Variants in SYN3 observed in about 807,000 individuals in gnomAD.
The protein encoded by SYN3 is synapsin III, also known as synapsin-3.
In SYN3, 35 loss-of-function variants were observed where a neutral mutation model predicts 65.8. The observed-to-expected ratio is 0.53, with a 90% CI of 0.41 to 0.70. The LOEUF (loss-of-function observed/expected upper bound fraction) is 0.70, where lower values mean the gene tolerates loss of function less well. Among genes scored for constraint, SYN3 ranks in the 30% least tolerant of loss-of-function variants. The pLI is 0.00. For synonymous variants in SYN3, 270 were observed against 292.9 expected (o/e 0.92, Z 0.80); for missense variants, 680 against 749.0 (o/e 0.91, Z 1.08).
intron 6 of SYN3, among the ~76,000 whole-genome samples, chr22:32,819,694 T>C (rs1274791077): frequency 1.3e-5 from 2 of 152,034 alleles, no homozygotes; most frequent in Non-Finnish European, 2.9e-5. Context: ...GTAAGCACAC[T>C]CTAGGGGCCG....
At chr22:32,862,616 T>G (rs1351873994) in intron 6 of SYN3, 1 of 152,202 alleles carries the variant, frequency 6.6e-6, no homozygotes, top group Non-Finnish European at 1.5e-5. Flanking sequence ...AGAGTATTTT[T>G]ATGAGAGACA....
intron 6 of SYN3, among the ~76,000 whole-genome samples, chr22:32,737,898 G>A (rs1430508830): frequency 1.3e-5 from 2 of 152,172 alleles, no homozygotes; most frequent in Non-Finnish European, 2.9e-5. Flanking sequence ...TTTCTGCCAT[G>A]CTGATCATGG....
intron 2 of SYN3, among the ~76,000 whole-genome samples, chr22:32,986,920 T>TG (rs1354412174): frequency 6.6e-6 from 1 of 152,062 alleles, no homozygotes; most frequent in Non-Finnish European, 1.5e-5. Context: ...TGGTGCTGCC[T>TG]GGGGTGGGAA....
At chr22:32,802,012 G>T (rs1383743885) in intron 6 of SYN3, 1 of 1,580,238 alleles carries the variant, frequency 6.3e-7, no homozygotes, top group Non-Finnish European at 8.6e-7. Flanking sequence ...ATGACCCCTT[G>T]GCTCGGGCTC....
chr22:32,726,853 T>C (rs990372636), intron 6 of SYN3, among the ~76,000 whole-genome samples: 1 of 151,996 alleles, frequency 6.6e-6, no homozygotes, highest in Admixed American at 6.6e-5. Context: ...ATTCTTACTA[T>C]CCCACAACCC....
intron 7 of SYN3, among the ~76,000 whole-genome samples, chr22:32,565,733 T>G (rs988920735): frequency 6.7e-6 from 1 of 149,454 alleles, no homozygotes; most frequent in Non-Finnish European, 1.5e-5. Context: ...TATTTAATTT[T>G]TTTTTACTCG....
At chr22:32,694,142 T>C (rs959373692) in intron 6 of SYN3, among the ~76,000 whole-genome samples, 1 of 152,156 alleles carries the variant, frequency 6.6e-6, no homozygotes. Flanking sequence ...AGGTTTATAG[T>C]CTGGTTTTCA....
intron 12 of SYN3, among the ~76,000 whole-genome samples, chr22:32,521,816 G>A (rs1325452996): frequency 2.0e-5 from 3 of 152,108 alleles, no homozygotes; most frequent in Non-Finnish European, 2.9e-5. Context: ...TAAAACATTT[G>A]TTTTCTACTT....
rs180985423 is a variant in SYN3, at chr22:32,987,796, T to C, written c.312-7094A>G. ...ACTATTTATTGAGCCTTATGTGGAC[T>C]AGGCACCACACCAGGCATAGGAGTA... On this transcript the variant is annotated intron_variant, in intron 2 of 13. Transcript: ENST00000358763. Among the ~76,000 whole-genome samples the C allele has an allele frequency of 2.0e-4, 30 of 152,316 alleles. 1 individual carries two copies. The highest frequency in any genetic ancestry group is 7.2e-4 in the African/African-American group (30 of 41,582).
chr22:32,895,730 T>C (rs2049574073), intron 4 of SYN3, among the ~76,000 whole-genome samples: 1 of 152,184 alleles, frequency 6.6e-6, no homozygotes. Context: ...GGTTACACAA[T>C]GGCCTTAAAT....
chr22:32,805,235 A>C (rs956072908), intron 6 of SYN3, among the ~76,000 whole-genome samples: 35 of 152,188 alleles, frequency 2.3e-4, no homozygotes, highest in African/African-American at 8.0e-4. Context: ...CATGAGGCTC[A>C]GCTGGGGGGC....
chr22:32,881,072 C>T (rs969838214), intron 4 of SYN3, among the ~76,000 whole-genome samples: 2 of 152,194 alleles, frequency 1.3e-5, no homozygotes, highest in Admixed American at 1.3e-4. Context: ...CTGTCAGCAG[C>T]CTGCTCAGCG....
chr22:32,911,130 T>C (rs2050040225), intron 4 of SYN3, among the ~76,000 whole-genome samples: 1 of 152,232 alleles, frequency 6.6e-6, no homozygotes, highest in Admixed American at 6.5e-5. Context: ...ACTATAGTGA[T>C]TTATGCTTAT....
intron 1 of SYN3, among the ~76,000 whole-genome samples, chr22:33,026,629 G>A (rs1054138757): frequency 4.6e-5 from 7 of 152,194 alleles, no homozygotes; most frequent in Non-Finnish European, 4.4e-5. Flanking sequence ...AATCCGGTGA[G>A]TCCCAGTGTC....
intron 6 of SYN3, among the ~76,000 whole-genome samples, chr22:32,655,746 A>C (rs904615100): frequency 1.3e-5 from 2 of 152,184 alleles, no homozygotes; most frequent in Admixed American, 1.3e-4. Flanking sequence ...CACTGATTCT[A>C]CATTAGGGTG....
intron 1 of SYN3, among the ~76,000 whole-genome samples, chr22:33,007,327 CAA>C (rs1245512650): frequency 5.9e-5 from 9 of 152,274 alleles, no homozygotes; most frequent in African/African-American, 1.9e-4. Context: ...TAAAAGAAAT[CAA>C]AGTGTTAACA....
chr22:32,967,963 G>A (rs1363104168), intron 3 of SYN3, among the ~76,000 whole-genome samples: 1 of 152,228 alleles, frequency 6.6e-6, no homozygotes, highest in Non-Finnish European at 1.5e-5. Context: ...TGGGGAGGGA[G>A]ATCATCAACA....
chr22:32,657,284 C>T (rs900293615), intron 6 of SYN3, among the ~76,000 whole-genome samples: 7 of 152,140 alleles, frequency 4.6e-5, no homozygotes, highest in Admixed American at 3.3e-4. Flanking sequence ...CCACCTCACC[C>T]GGCTGATTTT....
At chr22:32,577,781 G>A (rs749820376) in intron 7 of SYN3, among the ~76,000 whole-genome samples, 5 of 152,056 alleles carry the variant, frequency 3.3e-5, no homozygotes, top group Non-Finnish European at 7.4e-5. Context: ...CAGGGCCTTC[G>A]TCTGTGCTGT....
Sources: gnomAD v4.1 joint callset for allele counts (sites outside exome capture counted in the v4.1 genomes callset) on GRCh38, gnomAD v4.1.1 for gene constraint, MANE v1.5 for transcripts, NCBI Gene and HGNC (gene_info 2026-07-23, HGNC 2026-07-21) for gene names.